The following ASPH variants were observed in gnomAD, a reference collection of about 807,000 sequenced individuals.
ASPH encodes aspartate beta-hydroxylase, also known as aspartyl/asparaginyl beta-hydroxylase.
In ASPH, 100 loss-of-function variants were observed where a neutral mutation model predicts 118.4. The ratio of observed to expected loss-of-function variants is 0.84; its 90% confidence interval spans 0.72 to 1.00. ASPH has a LOEUF of 1.00. ASPH is among the 50% of genes least tolerant of loss of function. The probability of loss-of-function intolerance (pLI) is 0.00; values close to 1 mark genes in which losing one functional copy is unlikely to be tolerated. For missense variants in ASPH, 920 were observed against 919.5 expected (o/e 1.00, Z -0.01); for synonymous variants, 315 against 325.6 (o/e 0.97, Z 0.35).
At chr8:61,631,022 A>C (rs1855330513) in intron 13 of ASPH, among the ~76,000 whole-genome samples, 1 of 152,186 alleles carries the variant, frequency 6.6e-6, no homozygotes, top group Admixed American at 6.6e-5. Context: ...TTTACAAAAA[A>C]GTTTAAAAAG....
intron 3 of ASPH, among the ~76,000 whole-genome samples, chr8:61,662,541 T>A (rs1817437884): frequency 6.6e-6 from 1 of 152,070 alleles, no homozygotes; most frequent in African/African-American, 2.4e-5. Flanking sequence ...AAACTGAGAG[T>A]GCAATGCATG....
chr8:61,577,639 T>A (rs1835798322), intron 15 of ASPH, among the ~76,000 whole-genome samples: 1 of 152,100 alleles, frequency 6.6e-6, no homozygotes, highest in Non-Finnish European at 1.5e-5. Flanking sequence ...AAACTTGCGA[T>A]TGTGGCAGAA....
intron 20 of ASPH, among the ~76,000 whole-genome samples, chr8:61,550,435 A>G (rs10093414): frequency 0.12 from 15,554 of 129,316 alleles, 839 homozygotes; most frequent in Non-Finnish European, 0.13. Context: ...TTTTATGCAC[A>G]TGTACATACA....
intron 1 of ASPH, among the ~76,000 whole-genome samples, chr8:61,697,427 C>T (rs1335466788): frequency 6.6e-6 from 1 of 152,164 alleles, no homozygotes; most frequent in East Asian, 1.9e-4. Flanking sequence ...AGCTGGCTGT[C>T]CTCTAATTCA....
At chr8:61,619,370 C>A (rs1367586754) in intron 13 of ASPH, among the ~76,000 whole-genome samples, 2 of 152,194 alleles carry the variant, frequency 1.3e-5, no homozygotes, top group African/African-American at 2.4e-5. Flanking sequence ...ATCATTAAAG[C>A]TTGTTCAATA....
intron 3 of ASPH, chr8:61,668,225 T>A (rs781458777): frequency 6.2e-7 from 1 of 1,603,210 alleles, no homozygotes; most frequent in Non-Finnish European, 8.5e-7. Flanking sequence ...TTTGAAAAAA[T>A]GAAAATACCT....
chr8:61,667,362 CTTAT>C (rs1820193040), intron 3 of ASPH, among the ~76,000 whole-genome samples: 1 of 151,768 alleles, frequency 6.6e-6, no homozygotes, highest in South Asian at 2.1e-4. Context: ...GGTATAATAA[CTTAT>C]TTATTATTAT....
intron 3 of ASPH, chr8:61,665,343 C>T (rs777065054): frequency 6.2e-7 from 1 of 1,613,736 alleles, no homozygotes; most frequent in Non-Finnish European, 8.5e-7. Context: ...TCTCGGGATG[C>T]CATTTTACTA....
At chr8:61,504,203 A>G (rs572362951) in intron 24 of ASPH, among the ~76,000 whole-genome samples, 1 of 152,364 alleles carries the variant, frequency 6.6e-6, no homozygotes, top group East Asian at 1.9e-4. Context: ...AGAGAGAAAC[A>G]TACAGGAGGC....
intron 1 of ASPH, among the ~76,000 whole-genome samples, chr8:61,701,168 T>C (rs1228064419): frequency 3.3e-5 from 5 of 152,280 alleles, no homozygotes; most frequent in African/African-American, 9.6e-5. Context: ...TAGTAAGATA[T>C]TGGCTGAAGT....
chr8:61,627,998 T>C (rs976544800), intron 13 of ASPH, among the ~76,000 whole-genome samples: 2 of 152,098 alleles, frequency 1.3e-5, no homozygotes, highest in African/African-American at 4.8e-5. Context: ...TTTCCATTCA[T>C]TCTACTGCAG....
At chr8:61,588,684 T>G (rs980509898) in intron 14 of ASPH, among the ~76,000 whole-genome samples, 1 of 152,184 alleles carries the variant, frequency 6.6e-6, no homozygotes, top group Non-Finnish European at 1.5e-5. Flanking sequence ...TTGCTGAAAA[T>G]ACACCCATAG....
intron 21 of ASPH, among the ~76,000 whole-genome samples, chr8:61,530,496 T>A (rs1817165439): frequency 6.6e-6 from 1 of 152,168 alleles, no homozygotes; most frequent in East Asian, 1.9e-4. Flanking sequence ...ATCCCAGACC[T>A]GCATCCAGTT....
At chr8:61,577,167 G>C (rs948730701) in intron 15 of ASPH, among the ~76,000 whole-genome samples, 11 of 151,666 alleles carry the variant, frequency 7.3e-5, no homozygotes, top group African/African-American at 2.7e-4. Flanking sequence ...CACACACCAG[G>C]GCCTGTCGTG....
chr8:61,572,928 G>A (rs976174796), intron 16 of ASPH, among the ~76,000 whole-genome samples: 1 of 152,188 alleles, frequency 6.6e-6, no homozygotes, highest in Non-Finnish European at 1.5e-5. Context: ...AATTGTCTCT[G>A]TTTGCAGATG....
intron 21 of ASPH, among the ~76,000 whole-genome samples, chr8:61,544,960 G>A (rs1314184553): frequency 6.6e-6 from 1 of 152,166 alleles, no homozygotes; most frequent in African/African-American, 2.4e-5. Context: ...ATGAGAGAAG[G>A]AAAACAGAAA....
chr8:61,548,231 C>T, intron 20 of ASPH, 23 bp from the exon 21 acceptor site: 1 of 1,600,488 alleles, frequency 6.2e-7, no homozygotes, highest in South Asian at 1.1e-5. Flanking sequence ...AAAGAATGTG[C>T]TCCAAACTGT....
chr8:61,594,668 T>C (rs970465164), intron 14 of ASPH, among the ~76,000 whole-genome samples: 2 of 152,222 alleles, frequency 1.3e-5, no homozygotes, highest in South Asian at 2.1e-4. Flanking sequence ...TTACAGTATA[T>C]TGTTATAATG....
Position 61,684,121 on chromosome 8 carries a change from C to A in ASPH, c.171G>T (p.Trp57Cys). 1 of 1,613,786 alleles carries A rather than the reference C, an allele frequency of 6.2e-7. No individual in the cohort carries two copies. Among genetic ancestry groups the A allele is most frequent in the Non-Finnish European group, 8.5e-7 (1 of 1,179,786 alleles). ...GGLSGTSFFT[W>C]FMVIALLGVW... ...CGCCCAGCAATGCAATCACCATAAA[C>A]CACGTGAAGAATGAAGTTCCTGAGA... The change falls in exon 2 of 25, where the codon TGG (tryptophan) becomes TGT (cysteine). Residue 57 changes from tryptophan (W) to cysteine (C), a missense_variant. Coordinates refer to ENST00000379454, the MANE Select transcript of ASPH (RefSeq NM_004318.4).
Sources: allele counts gnomAD v4.1 joint callset (sites outside exome capture counted in the v4.1 genomes callset), GRCh38; gene constraint gnomAD v4.1.1; transcripts MANE v1.5; gene names NCBI Gene and HGNC (gene_info 2026-07-23, HGNC 2026-07-21).